Variants in GRM7 observed in about 807,000 individuals in gnomAD.
GRM7 encodes metabotropic glutamate receptor 7.
A neutral mutation model predicts 84.5 loss-of-function variants in GRM7; 35 were observed. That is an observed-to-expected ratio of 0.41 (90% CI 0.32 to 0.55). The LOEUF is 0.55. Among genes scored for constraint, GRM7 ranks in the 20% least tolerant of loss-of-function variants. The pLI is 0.19. For synonymous variants in GRM7, 487 were observed against 455.1 expected (o/e 1.07, Z -0.89); for missense variants, 1,003 against 1,194.6 (o/e 0.84, Z 2.36).
chr3:6,959,666 A>T (rs1693215048), intron 1 of GRM7, among the ~76,000 whole-genome samples: 1 of 152,156 alleles, frequency 6.6e-6, no homozygotes, highest in Non-Finnish European at 1.5e-5. Context: ...TATCCCTCAA[A>T]TGAGTCCACA....
rs374922891 is a variant in GRM7 at position 7,709,560 on chromosome 3, G to A, written c.2698+29265G>A. On this transcript the variant is annotated intron_variant, in intron 9 of 9. Coordinates refer to ENST00000357716, the MANE Select transcript of GRM7 (RefSeq NM_000844.4). ...CTCAGAGAGTGAGGGGATGTGGGTGGCTCAGTGGGCTCCTCCTCTCTGTGT... is the reference window on the plus strand; with the variant it reads ...CTCAGAGAGTGAGGGGATGTGGGTGACTCAGTGGGCTCCTCCTCTCTGTGT... Among the ~76,000 whole-genome samples, 5 of 152,224 alleles carry A rather than the reference G, an allele frequency of 3.3e-5. No individual in the cohort carries two copies. In the East Asian group the frequency reaches 9.7e-4, roughly 29 times the overall value.
intron 1 of GRM7, among the ~76,000 whole-genome samples, chr3:6,865,639 C>T (rs985803652): frequency 6.6e-6 from 1 of 151,816 alleles, no homozygotes; most frequent in Non-Finnish European, 1.5e-5. Context: ...AGTCTGTGGA[C>T]CTTGTATCAT....
rs1696876714 is a variant in GRM7, at chr3:7,432,626, A to G, written c.1174+17463A>G. On this transcript the variant is annotated intron_variant, in intron 5 of 9. Transcript: ENST00000357716. ...TGTGAGCCACCATGCCCAGCCGGGC[A>G]TCTAGTTTAAAAAAAAAAAAAATAG... Among the ~76,000 whole-genome samples, 3 of 138,028 alleles carry G rather than the reference A, an allele frequency of 2.2e-5. 1 individual carries two copies. The highest frequency in any genetic ancestry group is 2.2e-4 in the Admixed American group (3 of 13,806). 90.6% of individuals were successfully genotyped at this position (138,028 alleles called of 152,430 possible). A position where few individuals can be genotyped will look rare whatever the true frequency, so the allele number is the denominator to read the frequency against.
At chr3:7,381,915 C>T (rs897766095) in intron 4 of GRM7, among the ~76,000 whole-genome samples, 1 of 152,166 alleles carries the variant, frequency 6.6e-6, no homozygotes, top group African/African-American at 2.4e-5. Context: ...CAAACACTCT[C>T]ACACACCACA....
At chr3:7,732,387 C>T (rs1475884358) in intron 9 of GRM7, among the ~76,000 whole-genome samples, 1 of 152,136 alleles carries the variant, frequency 6.6e-6, no homozygotes, top group Non-Finnish European at 1.5e-5. Flanking sequence ...TAGTGCTTCA[C>T]CCTGGTTGTG....
intron 4 of GRM7, among the ~76,000 whole-genome samples, chr3:7,399,856 G>A (rs1399058547): frequency 2.0e-5 from 3 of 152,122 alleles, no homozygotes; most frequent in African/African-American, 7.2e-5. Context: ...AGCAAATGCT[G>A]TGAGCCGTGC....
In GRM7 at chr3:7,486,730, A is replaced by G. The variant is rs1341262232; in HGVS notation, c.1515+25008A>G. The stretch of plus-strand genomic sequence containing the variant: ...TGAGACAAATAAGGCTGTTTTTTAA[A>G]ATAATTTATGCAGCCTCAGGTATTC... On this transcript the variant is annotated intron_variant, in intron 7 of 9. Coordinates refer to ENST00000357716, the MANE Select transcript of GRM7 (RefSeq NM_000844.4). This position sits in a 1 kb window ranked among gnomAD's most constrained non-coding sequence, Gnocchi z 5.5. 6.6e-6 allele frequency among the ~76,000 whole-genome samples: 1 copy of G among 152,162 alleles called. No individual in the cohort carries two copies. The highest frequency in any genetic ancestry group is 1.9e-4 in the East Asian group (1 of 5,186).
intron 1 of GRM7, among the ~76,000 whole-genome samples, chr3:7,078,107 C>G (rs1006600724): frequency 2.6e-5 from 4 of 152,138 alleles, no homozygotes; most frequent in African/African-American, 9.7e-5. Flanking sequence ...TTGCTGAACC[C>G]TGATGAAAAG....
intron 4 of GRM7, among the ~76,000 whole-genome samples, chr3:7,355,301 C>A (rs1693345241): frequency 6.6e-6 from 1 of 152,004 alleles, no homozygotes; most frequent in Admixed American, 6.6e-5. Context: ...GTTACTTAAG[C>A]CTATTTATTA....
rs1333063161 is a variant in GRM7 at position 7,717,749 on chromosome 3, G to C, written c.2699-22608G>C. 3.3e-5 allele frequency among the ~76,000 whole-genome samples: 5 copies of C among 152,294 alleles called. No homozygotes were observed. The South Asian group carries it at 8.3e-4, about 25-fold the overall frequency. ...AATGAGATTCTATGCCCCAGTATGA[G>C]ATCTTTCAGAGGCAGGGAGGAAGGA... On this transcript the variant is annotated intron_variant, in intron 9 of 9. Coordinates refer to ENST00000357716, the MANE Select transcript of GRM7 (RefSeq NM_000844.4).
At position 7,052,720 on chromosome 3, in the gene GRM7, G is replaced by GTTTTTTTTTTTT. The variant is rs372132445; in HGVS notation, c.520-93726_520-93715dup. Among the ~76,000 whole-genome samples, 51 of 101,504 alleles carry GTTTTTTTTTTTT rather than the reference G, an allele frequency of 5.0e-4. 1 individual carries two copies. Among genetic ancestry groups the GTTTTTTTTTTTT allele is most frequent in the African/African-American group, 1.6e-3 (36 of 22,290 alleles). 66.6% of individuals were successfully genotyped at this position (101,504 alleles called of 152,430 possible). ...ATGCATGTTATTGCAAGTATCGGTA[G>GTTTTTTTTTTTT]TTTTTTTTTTTTTTTTTGCATTGCC... is the stretch of plus-strand genomic sequence containing the variant. On this transcript the variant is annotated intron_variant, in intron 1 of 9. Coordinates refer to ENST00000357716, the MANE Select transcript of GRM7 (RefSeq NM_000844.4).
intron 7 of GRM7, among the ~76,000 whole-genome samples, chr3:7,472,377 T>C (rs1489695567): frequency 6.6e-6 from 1 of 152,024 alleles, no homozygotes; most frequent in Non-Finnish European, 1.5e-5. Flanking sequence ...GTTTTATACT[T>C]AAACACTTTT....
intron 5 of GRM7, among the ~76,000 whole-genome samples, chr3:7,449,251 A>G (rs1235916800): frequency 6.6e-6 from 1 of 152,162 alleles, no homozygotes. Context: ...AAAAATGAAT[A>G]AAACATCTTG....
intron 1 of GRM7, among the ~76,000 whole-genome samples, chr3:7,069,777 C>T (rs981474794): frequency 1.2e-4 from 18 of 152,020 alleles, no homozygotes; most frequent in Non-Finnish European, 2.4e-4. Flanking sequence ...AGTCAAAATA[C>T]TTTTATAGAT....
In GRM7 at chr3:6,862,156, C is replaced by T. The variant is rs548269953; in HGVS notation, c.519+249C>T. ...ACATCTGGATTTATGGCCCCATTTA[C>T]AAGAAGCAATCTGCGAAAAACAAGG... is the stretch of plus-strand genomic sequence containing the variant. On this transcript the variant is annotated intron_variant, in intron 1 of 9. Coordinates refer to ENST00000357716, the MANE Select transcript of GRM7 (RefSeq NM_000844.4). The surrounding 1 kb of genome is among the most constrained non-coding windows in gnomAD (Gnocchi z 5.2). Among the ~76,000 whole-genome samples the T allele has an allele frequency of 2.6e-5, 4 of 152,208 alleles. No homozygotes were observed. Among genetic ancestry groups the T allele is most frequent in the African/African-American group, 7.2e-5 (3 of 41,552 alleles).
At chr3:7,637,998 GTTCTATAAT>G (rs1386195254) in intron 8 of GRM7, among the ~76,000 whole-genome samples, 3 of 152,130 alleles carry the variant, frequency 2.0e-5, no homozygotes, top group East Asian at 1.9e-4. Flanking sequence ...CTTGAGCAAA[GTTCTATAAT>G]TTCTATAATT....
At chr3:7,732,444 C>T (rs1409223929) in intron 9 of GRM7, among the ~76,000 whole-genome samples, 3 of 152,100 alleles carry the variant, frequency 2.0e-5, no homozygotes, top group Non-Finnish European at 4.4e-5. Flanking sequence ...GCAGCAGGAA[C>T]ATCTCACTTG....
At chr3:7,615,752 A>G (rs1206731809) in intron 8 of GRM7, among the ~76,000 whole-genome samples, 1 of 151,974 alleles carries the variant, frequency 6.6e-6, no homozygotes, top group East Asian at 1.9e-4. Flanking sequence ...AGGAGGGACT[A>G]CTCAAAATAC....
At chr3:7,381,772 TTTA>T (rs1407107815) in intron 4 of GRM7, among the ~76,000 whole-genome samples, 1 of 152,164 alleles carries the variant, frequency 6.6e-6, no homozygotes, top group Non-Finnish European at 1.5e-5. Flanking sequence ...AATTTAAACA[TTTA>T]TTATTTTGGT....
Sources: allele counts gnomAD v4.1 joint callset (sites outside exome capture counted in the v4.1 genomes callset), GRCh38; gene constraint gnomAD v4.1.1; non-coding constraint Gnocchi (gnomAD v3.1); transcripts MANE v1.5; gene names NCBI Gene and HGNC (gene_info 2026-07-23, HGNC 2026-07-21).